The following DDX6 variants were observed in gnomAD, a reference collection of about 807,000 sequenced individuals.
DDX6 encodes the protein probable ATP-dependent RNA helicase DDX6.
A neutral mutation model predicts 60.6 loss-of-function variants in DDX6; 7 were observed. That is an observed-to-expected ratio of 0.12 (90% confidence interval 0.07 to 0.22). The LOEUF (loss-of-function observed/expected upper bound fraction) is 0.22. Ranked by LOEUF, DDX6 falls within the 10% of genes least tolerant of loss-of-function variation. DDX6 has a pLI of 1.00. For missense variants in DDX6, 270 were observed against 589.9 expected (o/e 0.46, Z 5.62); for synonymous variants, 207 against 201.0 (o/e 1.03, Z -0.25).
intron 4 of DDX6, among the ~76,000 whole-genome samples, chr11:118,768,987 CA>C (rs782136763): frequency 0.017 from 689 of 39,892 alleles, 7 homozygotes; most frequent in African/African-American, 0.069. Flanking sequence ...CGTCTCATCT[CA>C]AAAAAAAAAA....
At chr11:118,780,460 G>A (rs1482696276) in intron 3 of DDX6, among the ~76,000 whole-genome samples, 1 of 152,110 alleles carries the variant, frequency 6.6e-6, no homozygotes, top group Non-Finnish European at 1.5e-5. Context: ...TGGATTACAG[G>A]CGCACGCCAC....
Position 118,785,943 on chromosome 11 carries a change from T to C in DDX6, c.200+109A>G, listed in dbSNP as rs534074909. ...TAAAACAAAGTCATCTGTCCTCTAT[T>C]TGGAATCAAAATGGTTAAATTAAGG... On this transcript the variant is annotated intron_variant, in intron 2 of 13. Transcript: ENST00000534980. 1.6e-4 allele frequency: 165 copies of C among 1,005,088 alleles called. No individual in the cohort carries two copies. In the African/African-American group the frequency reaches 2.5e-3, roughly 15 times the overall value. The allele number at this position is 1,005,088 out of a possible 1,614,324, so 62.3% of individuals were successfully genotyped here. A position where few individuals can be genotyped will look rare whatever the true frequency, so the allele number is the denominator to read the frequency against.
rs1555157477 is a variant in DDX6, at chr11:118,751,891, A to G, written c.*214T>C. ...CAGTTAGTGCAACTAATGTTCAGTC[A>G]GCACACAGTGCAAACAAGTGGAACA... On this transcript the variant is annotated 3_prime_UTR_variant, in exon 14 of 14. Transcript: ENST00000534980. 2 of 443,774 alleles carry G rather than the reference A, an allele frequency of 4.5e-6. No individual in the cohort carries two copies. Among genetic ancestry groups the G allele is most frequent in the Non-Finnish European group, 9.0e-6 (2 of 221,900 alleles). The allele number at this position is 443,774 out of a possible 1,614,324, so 27.5% of individuals were successfully genotyped here. A position where few individuals can be genotyped will look rare whatever the true frequency, so the allele number is the denominator to read the frequency against.
At chr11:118,757,556 TTA>T (rs1555159238) in intron 9 of DDX6, among the ~76,000 whole-genome samples, 1 of 152,134 alleles carries the variant, frequency 6.6e-6, no homozygotes, top group Non-Finnish European at 1.5e-5. Context: ...TTCAAAGTAG[TTA>T]TGTTTTATGT....
chr11:118,785,738 A>G (rs1591927701), intron 2 of DDX6: 1 of 203,146 alleles, frequency 4.9e-6, no homozygotes, highest in East Asian at 1.1e-4. Flanking sequence ...CGAGATGACT[A>G]ATAATTTTAT....
intron 4 of DDX6, among the ~76,000 whole-genome samples, chr11:118,770,171 G>A (rs933305273): frequency 1.8e-4 from 27 of 151,678 alleles, no homozygotes; most frequent in East Asian, 1.4e-3. Context: ...GATTAACGGC[G>A]TGTGCCACCA....
intron 13 of DDX6, 170 bp downstream of exon 13, chr11:118,754,535 A>G: frequency 3.8e-6 from 2 of 524,898 alleles, no homozygotes; most frequent in Non-Finnish European, 6.4e-6. Flanking sequence ...CAGATTCTCG[A>G]ATGAGACTAC....
At chr11:118,789,448 A>T (rs1297202129) in intron 1 of DDX6, 2 of 152,182 alleles carry the variant, frequency 1.3e-5, no homozygotes, top group Non-Finnish European at 2.9e-5. Flanking sequence ...ACACCAAGGC[A>T]TGTGAAACTC....
At chr11:118,784,368 G>A (rs1862004259) in intron 2 of DDX6, among the ~76,000 whole-genome samples, 1 of 151,912 alleles carries the variant, frequency 6.6e-6, no homozygotes, top group African/African-American at 2.4e-5. Flanking sequence ...GAAGTGAAAA[G>A]ATCTAGGTTG....
intron 3 of DDX6, 78 bp from the exon 4 acceptor site, chr11:118,779,814 T>C (rs1861827822): frequency 1.8e-6 from 2 of 1,139,414 alleles, no homozygotes; most frequent in African/African-American, 1.6e-5. Flanking sequence ...AATTTATCTG[T>C]GTTTAAGAAA....
chr11:118,779,189 G>A (rs1424999126), intron 4 of DDX6, among the ~76,000 whole-genome samples: 2 of 149,476 alleles, frequency 1.3e-5, no homozygotes, highest in African/African-American at 2.5e-5. Context: ...GATGGGGGAA[G>A]GGGTTGTAGG....
chr11:118,757,451 G>A (rs1457521358), intron 9 of DDX6, among the ~76,000 whole-genome samples, 164 bp from the exon 10 acceptor site: 1 of 152,136 alleles, frequency 6.6e-6, no homozygotes, highest in Non-Finnish European at 1.5e-5. Flanking sequence ...GTAAATAATA[G>A]ATGGAAGATA....
At position 118,757,129 on chromosome 11, in the gene DDX6, GATTTCTT is replaced by G. The variant is rs1216783635; in HGVS notation, c.1110+35_1110+41del. Reference sequence around the variant, plus strand: ...AACATTAAAACAAAATAAAGAAAGAGATTTCTTATTAAATTTGTGCAAGTTCTAGTTT... The same window carrying G: ...AACATTAAAACAAAATAAAGAAAGAGATTAAATTTGTGCAAGTTCTAGTTT... On this transcript the variant is annotated intron_variant, in intron 10 of 13. Coordinates refer to ENST00000534980, the MANE Select transcript of DDX6 (RefSeq NM_004397.6). The G allele has an allele frequency of 1.5e-5, 15 of 1,002,506 alleles. No homozygotes were observed. The East Asian group carries it at 4.3e-4, about 29-fold the overall frequency. The allele number at this position is 1,002,506 out of a possible 1,614,324, so 62.1% of individuals were successfully genotyped here. A position where few individuals can be genotyped will look rare whatever the true frequency, so the allele number is the denominator to read the frequency against.
Position 118,755,505 on chromosome 11 carries a change from T to C in DDX6, c.1175-2A>G. ...TATCAATACCTCGGGTAAACAGATC[T>C]TAAAAAAAAAAAGATAATTTTCATT... On this transcript the variant is annotated splice_acceptor_variant, in intron 11 of 13. Transcript: ENST00000534980. LOFTEE classifies it high-confidence loss of function. 6.6e-7 allele frequency: 1 copy of C among 1,523,484 alleles called. No homozygotes were observed. The highest frequency in any genetic ancestry group is 9.0e-7 in the Non-Finnish European group (1 of 1,106,400). 94.4% of individuals were successfully genotyped at this position (1,523,484 alleles called of 1,614,324 possible).
At position 118,748,229 on chromosome 11, in the gene DDX6, T is replaced by A. The variant is rs1860627469; in HGVS notation, c.*3876A>T. On this transcript the variant is annotated 3_prime_UTR_variant, in exon 14 of 14. Coordinates refer to ENST00000534980, the MANE Select transcript of DDX6 (RefSeq NM_004397.6). ...CTGGAGAATTTAAATACACTTCTGT[T>A]GGAATCTGTCAGCTGTGGATGGGCA... 6.6e-6 allele frequency: 1 copy of A among 152,174 alleles called. No homozygotes were observed. The highest frequency in any genetic ancestry group is 2.4e-5 in the African/African-American group (1 of 41,432). The allele number at this position is 152,174 out of a possible 1,614,324, so 9.4% of individuals were successfully genotyped here.
intron 4 of DDX6, among the ~76,000 whole-genome samples, chr11:118,772,348 C>A (rs914250289): frequency 1.2e-4 from 19 of 152,082 alleles, no homozygotes; most frequent in Non-Finnish European, 2.5e-4. Flanking sequence ...ATACAAGCTA[C>A]AACACAGATG....
At chr11:118,758,522 C>T (rs144283942) in intron 9 of DDX6, among the ~76,000 whole-genome samples, 4 of 152,240 alleles carry the variant, frequency 2.6e-5, no homozygotes, top group South Asian at 2.1e-4. Context: ...TATGGGCACA[C>T]GCCACCATGC....
At chr11:118,766,518 T>A (rs1555161304) in intron 5 of DDX6, among the ~76,000 whole-genome samples, 1 of 152,182 alleles carries the variant, frequency 6.6e-6, no homozygotes, top group Non-Finnish European at 1.5e-5. Flanking sequence ...CAAATCTCTT[T>A]ATGAAAAGAG....
intron 10 of DDX6, 69 bp from the exon 11 acceptor site, chr11:118,756,392 C>T: frequency 7.9e-7 from 1 of 1,262,886 alleles, no homozygotes; most frequent in Non-Finnish European, 1.1e-6. Context: ...ATAATTATTT[C>T]TCCCAGACGA....
Sources: gnomAD v4.1 joint callset for allele counts (sites outside exome capture counted in the v4.1 genomes callset) on GRCh38, gnomAD v4.1.1 for gene constraint, MANE v1.5 for transcripts, NCBI Gene and HGNC (gene_info 2026-07-23, HGNC 2026-07-21) for gene names.